Variants in DLGAP1 observed in about 807,000 individuals in gnomAD.
DLGAP1 encodes the protein disks large-associated protein 1.
A neutral mutation model predicts 90.8 loss-of-function variants in DLGAP1; 11 were observed. The ratio of observed to expected loss-of-function variants is 0.12; its 90% CI spans 0.08 to 0.20. The LOEUF (loss-of-function observed/expected upper bound fraction) is 0.20, where lower values mean the gene tolerates loss of function less well. DLGAP1 is among the 10% of genes least tolerant of loss of function. DLGAP1 has a pLI of 1.00. For synonymous variants in DLGAP1, 558 were observed against 540.7 expected, an observed-to-expected ratio of 1.03 and a Z score of -0.44; for missense variants, 1,050 against 1,333.8, an observed-to-expected ratio of 0.79 and a Z score of 3.31.
chr18:4,117,013 G>T (rs1055644035), intron 2 of DLGAP1, among the ~76,000 whole-genome samples: 15 of 152,196 alleles, frequency 9.9e-5, no homozygotes, highest in Admixed American at 9.8e-4. Flanking sequence ...GCCTTTCAAA[G>T]AGGTAATTAG....
At chr18:4,370,681 C>T (rs950174923) in intron 1 of DLGAP1, among the ~76,000 whole-genome samples, 6 of 152,168 alleles carry the variant, frequency 3.9e-5, no homozygotes, top group Middle Eastern at 3.4e-3. Flanking sequence ...GAGGAAGAAG[C>T]GCCCCTAAGT....
chr18:3,820,274 A>G (rs1452952135), intron 4 of DLGAP1, among the ~76,000 whole-genome samples: 1 of 152,216 alleles, frequency 6.6e-6, no homozygotes, highest in Non-Finnish European at 1.5e-5. Context: ...TATGTCCTGA[A>G]AATATACAAG....
chr18:3,980,506 T>C (rs1218511265), intron 3 of DLGAP1, among the ~76,000 whole-genome samples: 3 of 152,202 alleles, frequency 2.0e-5, no homozygotes, highest in East Asian at 1.9e-4. Context: ...TTCAATGTGA[T>C]TTAAATGTGT....
intron 4 of DLGAP1, among the ~76,000 whole-genome samples, chr18:3,835,676 CCTTT>C (rs1211337840): frequency 6.6e-6 from 1 of 151,474 alleles, no homozygotes; most frequent in Non-Finnish European, 1.5e-5. Context: ...AAAATATCCT[CCTTT>C]CTAACATAAA....
rs372118553 is a variant in DLGAP1, at chr18:3,567,926, T to C, written c.1966-345A>G. Among the ~76,000 whole-genome samples, 484 of 152,074 alleles carry C rather than the reference T, an allele frequency of 3.2e-3. 4 individuals carry two copies. The highest frequency in any genetic ancestry group is 2.6e-3 in the Non-Finnish European group (180 of 67,990). ...TGGAAGTTTTTTTTTTCTAATAGAG[T>C]TTCCCTCTGTCGCCCGGGCTGGAGT... On this transcript the variant is annotated intron_variant, in intron 8 of 12. Transcript: ENST00000315677.
intron 1 of DLGAP1, among the ~76,000 whole-genome samples, chr18:4,171,958 C>CT (rs1198646902): frequency 1.3e-5 from 2 of 151,974 alleles, no homozygotes; most frequent in South Asian, 2.1e-4. Context: ...CCTCCTGGAT[C>CT]TTTTTTTTCC....
chr18:4,355,362 A>C (rs1260515629), intron 1 of DLGAP1, among the ~76,000 whole-genome samples: 1 of 152,232 alleles, frequency 6.6e-6, no homozygotes, highest in East Asian at 1.9e-4. Flanking sequence ...CAAAGGTTAC[A>C]TATGGTGTGA....
intron 4 of DLGAP1, among the ~76,000 whole-genome samples, chr18:3,862,833 C>T (rs1189114640): frequency 6.6e-6 from 1 of 152,218 alleles, no homozygotes; most frequent in Non-Finnish European, 1.5e-5. Flanking sequence ...TTATTTAATG[C>T]CACACTGTGA....
intron 1 of DLGAP1, among the ~76,000 whole-genome samples, chr18:4,405,878 G>A (rs2082652467): frequency 6.6e-6 from 1 of 152,008 alleles, no homozygotes; most frequent in African/African-American, 2.4e-5. Context: ...ACAAAGAATT[G>A]GACAAAAAGT....
At chr18:4,278,808 A>G (rs562408670) in intron 1 of DLGAP1, among the ~76,000 whole-genome samples, 2 of 152,246 alleles carry the variant, frequency 1.3e-5, no homozygotes, top group Admixed American at 6.5e-5. Flanking sequence ...CTGATACCGT[A>G]TCTTTGCTAC....
intron 1 of DLGAP1, among the ~76,000 whole-genome samples, chr18:4,199,152 T>C (rs1407870021): frequency 6.6e-6 from 1 of 152,230 alleles, no homozygotes; most frequent in Non-Finnish European, 1.5e-5. Context: ...TGAGGCTGTG[T>C]GCAAGCTGCT....
At chr18:4,235,289 A>T (rs2078384437) in intron 1 of DLGAP1, among the ~76,000 whole-genome samples, 1 of 152,154 alleles carries the variant, frequency 6.6e-6, no homozygotes, top group African/African-American at 2.4e-5. Context: ...TGATTTTAAA[A>T]ATTCAAAAAG....
At chr18:4,133,666 T>C (rs2076353545) in intron 2 of DLGAP1, among the ~76,000 whole-genome samples, 1 of 152,162 alleles carries the variant, frequency 6.6e-6, no homozygotes, top group Non-Finnish European at 1.5e-5. Context: ...ATTTGCAAAG[T>C]GTAAAATGGG....
At position 3,616,154 on chromosome 18, in the gene DLGAP1, C is replaced by G. The variant is rs143617722; in HGVS notation, c.1592-33906G>C. ...GATTTAGAGGTGCAGCTAAAGTTGA[C>G]AGGCTGGTAACCAGCCCTCGGGAGA... On this transcript the variant is annotated intron_variant, in intron 7 of 12. Coordinates refer to ENST00000315677, the MANE Select transcript of DLGAP1 (RefSeq NM_004746.4). Among the ~76,000 whole-genome samples, 673 of 152,316 alleles carry G rather than the reference C, an allele frequency of 4.4e-3. 7 individuals are homozygous for G. Among genetic ancestry groups the G allele is most frequent in the African/African-American group, 0.015 (629 of 41,570 alleles).
intron 2 of DLGAP1, among the ~76,000 whole-genome samples, chr18:4,122,170 A>C (rs1370136283): frequency 1.3e-5 from 2 of 152,326 alleles, no homozygotes; most frequent in African/African-American, 4.8e-5. Context: ...TCCATAGAGA[A>C]AGTTGCATAG....
At chr18:3,814,413 G>A (rs1395101986) in intron 4 of DLGAP1, 140 bp from the exon 5 acceptor site, 7 of 763,928 alleles carry the variant, frequency 9.2e-6, no homozygotes, top group African/African-American at 1.9e-5. Flanking sequence ...CCAGACTGGA[G>A]TGCAGTGGTG....
chr18:4,140,675 C>T (rs1412399619), intron 2 of DLGAP1, among the ~76,000 whole-genome samples: 1 of 151,952 alleles, frequency 6.6e-6, no homozygotes, highest in African/African-American at 2.4e-5. Context: ...CATCAAAGTC[C>T]TTTTCTTTTG....
intron 7 of DLGAP1, among the ~76,000 whole-genome samples, chr18:3,632,247 T>G (rs1599636981): frequency 6.6e-6 from 1 of 152,150 alleles, no homozygotes; most frequent in Admixed American, 6.6e-5. Context: ...TGGTCTGCAG[T>G]CTTCATTTGA....
intron 11 of DLGAP1, among the ~76,000 whole-genome samples, chr18:3,504,327 T>A (rs72856857): frequency 0.18 from 27,524 of 152,142 alleles, 2,624 homozygotes; most frequent in Non-Finnish European, 0.23. Context: ...ACTTATTTTT[T>A]AAATGAACTT....
Sources: allele counts gnomAD v4.1 joint callset (sites outside exome capture counted in the v4.1 genomes callset), GRCh38; gene constraint gnomAD v4.1.1; transcripts MANE v1.5; gene names NCBI Gene and HGNC (gene_info 2026-07-23, HGNC 2026-07-21).